Variants in ERCC6 observed in about 807,000 individuals in gnomAD.
ERCC6 encodes ERCC excision repair 6, chromatin remodeling factor, also known as DNA excision repair protein ERCC-6.
A neutral mutation model predicts 158.7 loss-of-function variants in ERCC6; 116 were observed. That is an observed-to-expected ratio of 0.73 (90% CI 0.63 to 0.85). The LOEUF (loss-of-function observed/expected upper bound fraction) is 0.85, where lower values mean the gene tolerates loss of function less well. Ranked by LOEUF, ERCC6 falls within the 40% of genes least tolerant of loss-of-function variation. ERCC6 has a pLI of 0.00. For synonymous variants in ERCC6, 678 were observed against 659.3 expected (o/e 1.03, Z -0.43); for missense variants, 1,698 against 1,799.4 (o/e 0.94, Z 1.02).
chr10:49,510,108 G>A (rs1453338897), intron 5 of ERCC6, among the ~76,000 whole-genome samples: 1 of 152,048 alleles, frequency 6.6e-6, no homozygotes, highest in Admixed American at 6.5e-5. Flanking sequence ...CCAGGCTGTG[G>A]GGCCTGGGGC....
intron 18 of ERCC6, among the ~76,000 whole-genome samples, chr10:49,466,762 A>G (rs1423233660): frequency 6.6e-6 from 1 of 152,178 alleles, no homozygotes; most frequent in Non-Finnish European, 1.5e-5. Context: ...GCATGTATCA[A>G]TACTCTACTT....
intron 13 of ERCC6, among the ~76,000 whole-genome samples, 169 bp from the exon 14 acceptor site, chr10:49,473,756 G>A (rs1380154864): frequency 2.0e-5 from 3 of 152,188 alleles, no homozygotes; most frequent in Non-Finnish European, 2.9e-5. Flanking sequence ...TGGTATTTCC[G>A]TATGGTTAAT....
rs545145840 is a variant in ERCC6, at chr10:49,470,815, C to T, written c.3145G>A (p.Asp1049Asn). Residue 1049 changes from aspartate (D) to asparagine (N), a missense_variant, in exon 18 of 21, where the codon GAT (aspartate) becomes AAT (asparagine). Physicochemically the swap from Asp to Asn is conservative, Grantham distance 23. Coordinates refer to ENST00000355832, the MANE Select transcript of ERCC6 (RefSeq NM_000124.4). ...RIQPAFGADH[D>N]VPKRKKFPAS... ...GGGAACTTCTTGCGTTTTGGAACAT[C>T]ATGGTCTGCTCCAAAGGCTGGTTGA... is the stretch of plus-strand genomic sequence containing the variant. The T allele has an allele frequency of 6.2e-7, 1 of 1,614,156 alleles. No individual in the cohort carries two copies. Among genetic ancestry groups the T allele is most frequent in the African/African-American group, 1.3e-5 (1 of 75,040 alleles).
chr10:49,528,500 G>A lies in ERCC6; in HGVS notation c.569C>T (p.Ala190Val), dbSNP rs776462885. ...NKEQQLKKIT[A>V]KQKHLQAILG... ...GATGGCCTGGAGATGCTTTTGTTTT[G>A]CAGTGATCTTTTTTAGCTGTTGTTC... The change falls in exon 4 of 21, where the codon GCA becomes GTA. Residue 190 changes from alanine to valine, a missense_variant. Physicochemically the swap from Ala to Val is moderately conservative, Grantham distance 64. Coordinates refer to ENST00000355832, the MANE Select transcript of ERCC6 (RefSeq NM_000124.4). 6.2e-7 allele frequency: 1 copy of A among 1,614,126 alleles called. No individual in the cohort carries two copies. Among genetic ancestry groups the A allele is most frequent in the Non-Finnish European group, 8.5e-7 (1 of 1,180,006 alleles).
chr10:49,487,686 C>T (rs1645177023), intron 8 of ERCC6, among the ~76,000 whole-genome samples: 1 of 152,160 alleles, frequency 6.6e-6, no homozygotes, highest in African/African-American at 2.4e-5. Flanking sequence ...AGACACCAAG[C>T]TTCCCAAATG....
rs1284316063 is a variant in ERCC6, at chr10:49,524,275, ATCTTCCTCC to A, written c.1146_1154del (p.Glu382_Glu384del). 8.1e-6 allele frequency: 13 copies of A among 1,613,790 alleles called. No homozygotes were observed. The highest frequency in any genetic ancestry group is 1.1e-5 in the Non-Finnish European group (13 of 1,179,944). On this transcript the variant is annotated inframe_deletion, in exon 5 of 21. Transcript: ENST00000355832. Reference sequence around the variant, plus strand: ...CCGCCTCTGCCCCCTCCACCTCGTCATCTTCCTCCTCTTCCTCCTCCTCTGTGGGGAAAT... The same window carrying A: ...CCGCCTCTGCCCCCTCCACCTCGTCATCTTCCTCCTCCTCTGTGGGGAAAT...
chr10:49,518,635 C>T (rs188824461), intron 5 of ERCC6, among the ~76,000 whole-genome samples: 5 of 152,222 alleles, frequency 3.3e-5, no homozygotes, highest in Admixed American at 3.3e-4. Context: ...ATCCACAAGA[C>T]TCTCTTCATA....
chr10:49,502,141 C>T (rs2132577219), intron 6 of ERCC6: 1 of 152,198 alleles, frequency 6.6e-6, no homozygotes, highest in East Asian at 1.9e-4. Flanking sequence ...GCTCATTTAA[C>T]TGGTTTTATT....
At chr10:49,537,292 G>C (rs1356090625) in intron 1 of ERCC6, among the ~76,000 whole-genome samples, 1 of 146,576 alleles carries the variant, frequency 6.8e-6, no homozygotes, top group Non-Finnish European at 1.5e-5. Context: ...CGCAGTGAGC[G>C]AGATCGCACC....
chr10:49,521,786 C>A (rs1316316457), intron 5 of ERCC6, among the ~76,000 whole-genome samples: 1 of 152,096 alleles, frequency 6.6e-6, no homozygotes, highest in African/African-American at 2.4e-5. Context: ...AGGGCTTGAG[C>A]CAAATGAAGG....
chr10:49,467,285 T>C (rs1026330948), intron 18 of ERCC6, among the ~76,000 whole-genome samples: 4 of 152,204 alleles, frequency 2.6e-5, no homozygotes, highest in African/African-American at 4.8e-5. Context: ...GGAAAGCGCA[T>C]GCAACTGCCA....
In ERCC6 at chr10:49,505,928, G is replaced by A. The variant is rs150762517; in HGVS notation, c.1482C>T (p.Asp494=). The A allele has an allele frequency of 2.8e-5, 45 of 1,613,250 alleles. No homozygotes were observed. The highest frequency in any genetic ancestry group is 6.7e-5 in the Admixed American group (4 of 59,908). Residue 494 remains aspartate (D), a synonymous_variant, in exon 6 of 21, where the codon GAC becomes GAT. Coordinates refer to ENST00000355832, the MANE Select transcript of ERCC6 (RefSeq NM_000124.4). ...DDSEESDAEF[D]EGFKVPGFLF... Reference sequence around the variant, plus strand: ...GAAAACCTGGCACTTTAAAACCTTCGTCAAATTCAGCATCACTTTCCTCAG... The same window carrying A: ...GAAAACCTGGCACTTTAAAACCTTCATCAAATTCAGCATCACTTTCCTCAG...
chr10:49,464,336 G>A (rs2132529987), intron 18 of ERCC6, among the ~76,000 whole-genome samples: 1 of 152,312 alleles, frequency 6.6e-6, no homozygotes, highest in East Asian at 1.9e-4. Flanking sequence ...TTTCTAAGCA[G>A]CAAAGCATTC....
the ERCC6 span, among the ~76,000 whole-genome samples, chr10:49,442,067 G>A: frequency 6.6e-6 from 1 of 152,172 alleles, no homozygotes; most frequent in Non-Finnish European, 1.5e-5. Context: ...CGCCCCCGGG[G>A]GAAGGGGTGG....
At position 49,524,184 on chromosome 10, in the gene ERCC6, T is replaced by A; in HGVS notation, c.1246A>T (p.Lys416Ter). The stretch of plus-strand genomic sequence containing the variant: ...TCATCAATCTCCTGCACTGGCACTT[T>A]CTTCTGCCGTTTCCCGCCCTTGGGC... ...PLPKGGKRQK[K>*]VPVQEIDDDF... is the part of the protein sequence containing the mutation. Residue 416 changes from lysine to a stop codon, truncating the protein, a stop_gained, in exon 5 of 21, where the codon AAA becomes TAA. Transcript: ENST00000355832. LOFTEE classifies it high-confidence loss of function. The A allele has an allele frequency of 6.2e-7, 1 of 1,614,148 alleles. No homozygotes were observed. Among genetic ancestry groups the A allele is most frequent in the Non-Finnish European group, 8.5e-7 (1 of 1,180,016 alleles).
chr10:49,445,322 C>CTA, the ERCC6 span, among the ~76,000 whole-genome samples: 2 of 152,036 alleles, frequency 1.3e-5, no homozygotes, highest in African/African-American at 4.8e-5. Context: ...AAATGCGGGG[C>CTA]TAGAGGAAGA....
At position 49,470,907 on chromosome 10, in the gene ERCC6, A is replaced by G. The variant is rs759558706; in HGVS notation, c.3071-18T>C. 1.2e-6 allele frequency: 2 copies of G among 1,613,388 alleles called. No individual in the cohort carries two copies. Among genetic ancestry groups the G allele is most frequent in the Non-Finnish European group, 8.5e-7 (1 of 1,179,512 alleles). On this transcript the variant is annotated intron_variant, in intron 17 of 20. Coordinates refer to ENST00000355832, the MANE Select transcript of ERCC6 (RefSeq NM_000124.4). Reference sequence around the variant, plus strand: ...TCCAGTTCCTGTAAAGAGGAAAAACACCACTAATACTATATTGTATCATCT... The same window carrying G: ...TCCAGTTCCTGTAAAGAGGAAAAACGCCACTAATACTATATTGTATCATCT...
chr10:49,485,477 ATGAAAC>A (rs1851061062), intron 8 of ERCC6, among the ~76,000 whole-genome samples: 1 of 152,272 alleles, frequency 6.6e-6, no homozygotes. Flanking sequence ...TTAAATATGA[ATGAAAC>A]TGTTAAGAGG....
At chr10:49,447,052 G>A in the ERCC6 span, among the ~76,000 whole-genome samples, 1 of 151,980 alleles carries the variant, frequency 6.6e-6, no homozygotes, top group Non-Finnish European at 1.5e-5. Flanking sequence ...ATAAATCAGA[G>A]TGAAACTGCA....
Sources: gnomAD v4.1 joint callset for allele counts (sites outside exome capture counted in the v4.1 genomes callset) on GRCh38, gnomAD v4.1.1 for gene constraint, MANE v1.5 for transcripts, NCBI Gene and HGNC (gene_info 2026-07-23, HGNC 2026-07-21) for gene names.